NCAPG: variants seen among roughly 807,000 people sequenced by gnomAD.
NCAPG encodes non-SMC condensin I complex subunit G.
A neutral mutation model predicts 113.1 loss-of-function variants in NCAPG; 69 were observed. That is an observed-to-expected ratio of 0.61 (90% CI 0.50 to 0.75). The LOEUF (loss-of-function observed/expected upper bound fraction) is 0.75, where lower values mean the gene tolerates loss of function less well. NCAPG is among the 30% of genes least tolerant of loss of function. NCAPG has a pLI of 0.00. For synonymous variants in NCAPG, 370 were observed against 415.8 expected, an observed-to-expected ratio of 0.89 and a Z score of 1.34; for missense variants, 1,058 against 1,177.0, an observed-to-expected ratio of 0.90 and a Z score of 1.48.
rs756776806 is a variant in NCAPG at position 17,823,087 on chromosome 4, T to C, written c.1223T>C (p.Ile408Thr). Residue 408 changes from isoleucine (I) to threonine (T), a missense_variant, in exon 8 of 21, where the codon ATT becomes ACT. Physicochemically the swap from Ile to Thr is moderately conservative, Grantham distance 89 (BLOSUM62 -1). Coordinates refer to ENST00000251496, the MANE Select transcript of NCAPG (RefSeq NM_022346.5). ...TTCATAGGTCAACAATTGATTCTAA[T>C]TATTAAGTCTTTGGATACCAGTGAA... is the stretch of plus-strand genomic sequence containing the variant. ...KEFIGQQLIL[I>T]IKSLDTSEEG... 1 of 1,610,124 alleles carries C rather than the reference T, an allele frequency of 6.2e-7. No homozygotes were observed. Among genetic ancestry groups the C allele is most frequent in the South Asian group, 1.1e-5 (1 of 90,158 alleles).
intron 2 of NCAPG, 129 bp from the exon 3 acceptor site, chr4:17,812,788 A>G (rs977748883): frequency 1.4e-6 from 1 of 739,816 alleles, no homozygotes; most frequent in African/African-American, 1.8e-5. Context: ...AGGTAGCATT[A>G]TAGGTTCTCT....
rs972036978 is a variant in NCAPG at position 17,810,996 on chromosome 4, G to C, written c.-82G>C. 2.0e-5 allele frequency: 16 copies of C among 781,798 alleles called. No homozygotes were observed. The highest frequency in any genetic ancestry group is 2.8e-4 in the Middle Eastern group (1 of 3,528). The allele number at this position is 781,798 out of a possible 1,614,324, so 48.4% of individuals were successfully genotyped here. A position where few individuals can be genotyped will look rare whatever the true frequency, so the allele number is the denominator to read the frequency against. On this transcript the variant is annotated 5_prime_UTR_variant, in exon 1 of 21. Coordinates refer to ENST00000251496, the MANE Select transcript of NCAPG (RefSeq NM_022346.5). ...CTGGGGCTGTCATAGAAGACTACTC[G>C]GAGAGCGCTGCCTCTGGGTTGGCGG...
At position 17,840,638 on chromosome 4, in the gene NCAPG, CAG is replaced by C. The variant is rs1722320272; in HGVS notation, c.2800_2801del (p.Arg934GlyfsTer16). ...KNKEVYMTPL[R>X]GVKATQASKS... ...ATAAAGAAGTATATATGACTCCACTCAGGGGTGTAAAAGCAACCCAAGCATCA... is the reference window on the plus strand; with the variant it reads ...ATAAAGAAGTATATATGACTCCACTCGGGTGTAAAAGCAACCCAAGCATCA... On this transcript the variant is annotated frameshift_variant, in exon 19 of 21. Coordinates refer to ENST00000251496, the MANE Select transcript of NCAPG (RefSeq NM_022346.5). LOFTEE classifies it high-confidence loss of function. 3.2e-6 allele frequency: 5 copies of C among 1,557,344 alleles called. No homozygotes were observed. The highest frequency in any genetic ancestry group is 1.9e-5 in the Admixed American group (1 of 52,126).
intron 7 of NCAPG, among the ~76,000 whole-genome samples, chr4:17,819,539 C>T (rs1721364062): frequency 6.6e-6 from 1 of 152,036 alleles, no homozygotes; most frequent in Non-Finnish European, 1.5e-5. Flanking sequence ...GTAGCTGGGA[C>T]TACAGGCACG....
rs148062160 is a variant in NCAPG at position 17,834,428 on chromosome 4, A to G, written c.2014A>G (p.Ile672Val). ...IKTLHCEGTE[I>V]NSDDEQESKE... ...AACACTTCATTGTGAAGGTACAGAA[A>G]TAAACAGTGATGATGAGCAAGAATC... Residue 672 changes from isoleucine to valine, a missense_variant, in exon 14 of 21, where the codon ATA (isoleucine) becomes GTA (valine). Transcript: ENST00000251496. The G allele has an allele frequency of 6.2e-7, 1 of 1,612,274 alleles. No individual in the cohort carries two copies.
At chr4:17,827,075 C>T (rs906302924) in intron 11 of NCAPG, among the ~76,000 whole-genome samples, 3 of 152,136 alleles carry the variant, frequency 2.0e-5, no homozygotes, top group African/African-American at 7.2e-5. Context: ...TGCTGTCTCT[C>T]CTCAATGAAT....
In NCAPG at chr4:17,842,314, G is replaced by A. The variant is rs758832065; in HGVS notation, c.2859G>A (p.Gln953=). 7 of 1,611,816 alleles carry A rather than the reference G, an allele frequency of 4.3e-6. No homozygotes were observed. The highest frequency in any genetic ancestry group is 1.7e-4 in the Middle Eastern group (1 of 6,054). ...ATGAATTATACTATCTTCAAGGACA[G>A]AGAAAAGTGACAGTTTCAGCTAGGA... The part of the protein sequence containing the change: ...KSTQLKTNRG[Q]RKVTVSARTN... Residue 953 remains glutamine, a synonymous_variant, in exon 20 of 21, where the codon CAG becomes CAA. Coordinates refer to ENST00000251496, the MANE Select transcript of NCAPG (RefSeq NM_022346.5).
intron 16 of NCAPG, among the ~76,000 whole-genome samples, chr4:17,839,050 G>A (rs1056018512): frequency 6.6e-6 from 1 of 152,174 alleles, no homozygotes; most frequent in African/African-American, 2.4e-5. Flanking sequence ...GGGAGATGGA[G>A]GAGTCCAGGA....
chr4:17,829,258 G>A (rs968568152), intron 12 of NCAPG, among the ~76,000 whole-genome samples: 2 of 152,172 alleles, frequency 1.3e-5, no homozygotes, highest in East Asian at 1.9e-4. Flanking sequence ...TCTTACAGAA[G>A]TCTCTCAAAA....
rs1311844488 is a variant in NCAPG, at chr4:17,844,655, G to GTTGTTTAAA, written c.*1236_*1237insAAATTGTTT. The stretch of plus-strand genomic sequence containing the variant: ...CTGTGCTTCAGATTCCTTATGTGTT[G>GTTGTTTAAA]TTGTTTTAAAGACAATTTGCAGGGG... On this transcript the variant is annotated 3_prime_UTR_variant, in exon 21 of 21. Transcript: ENST00000251496. The GTTGTTTAAA allele has an allele frequency of 1.4e-5, 2 of 147,966 alleles. No individual in the cohort carries two copies. The highest frequency in any genetic ancestry group is 3.0e-5 in the Non-Finnish European group (2 of 67,784). 9.2% of individuals were successfully genotyped at this position (147,966 alleles called of 1,614,324 possible). A position where few individuals can be genotyped will look rare whatever the true frequency, so the allele number is the denominator to read the frequency against.
At chr4:17,833,676 G>A (rs543288692) in intron 13 of NCAPG, among the ~76,000 whole-genome samples, 93 of 149,100 alleles carry the variant, frequency 6.2e-4, no homozygotes, top group Middle Eastern at 7.0e-3. Flanking sequence ...TTTTTTCATG[G>A]CTTTGAAATT....
At chr4:17,824,321 A>G (rs1399064334) in intron 9 of NCAPG, among the ~76,000 whole-genome samples, 3 of 152,168 alleles carry the variant, frequency 2.0e-5, no homozygotes, top group Non-Finnish European at 4.4e-5. Context: ...GCCAAAAAAG[A>G]CAGATCTGTA....
chr4:17,837,819 C>G lies in NCAPG; in HGVS notation c.2466+18C>G. ...ATTATCAGGTGAGTGACTGTGGTAA[C>G]TGCATGCAGATCACTGTTTTGGTAA... is the stretch of plus-strand genomic sequence containing the variant. On this transcript the variant is annotated intron_variant, in intron 16 of 20. Coordinates refer to ENST00000251496, the MANE Select transcript of NCAPG (RefSeq NM_022346.5). 6.2e-7 allele frequency: 1 copy of G among 1,613,024 alleles called. No homozygotes were observed. The highest frequency in any genetic ancestry group is 8.5e-7 in the Non-Finnish European group (1 of 1,179,314).
chr4:17,841,452 G>A (rs1443047321), intron 19 of NCAPG: 2 of 151,830 alleles, frequency 1.3e-5, no homozygotes, highest in Non-Finnish European at 2.9e-5. Flanking sequence ...GCTGGATATT[G>A]TTCCAAATTA....
chr4:17,837,924 C>A, intron 16 of NCAPG, 123 bp downstream of exon 16: 1 of 970,660 alleles, frequency 1.0e-6, no homozygotes, highest in Non-Finnish European at 1.6e-6. Flanking sequence ...GCATATACCA[C>A]AAAGCACGAA....
rs1577328352 is a variant in NCAPG at position 17,811,019 on chromosome 4, C to A, written c.-59C>A. On this transcript the variant is annotated 5_prime_UTR_variant, in exon 1 of 21. Coordinates refer to ENST00000251496, the MANE Select transcript of NCAPG (RefSeq NM_022346.5). The surrounding 1 kb of genome is among the most constrained non-coding windows in gnomAD (Gnocchi z 5.3). ...TCGGAGAGCGCTGCCTCTGGGTTGG[C>A]GGGCTGGCAGGCTGTAGCCGAGCGC... 2 of 1,092,852 alleles carry A rather than the reference C, an allele frequency of 1.8e-6. No homozygotes were observed. Among genetic ancestry groups the A allele is most frequent in the South Asian group, 3.4e-5 (2 of 59,048 alleles). 67.7% of individuals were successfully genotyped at this position (1,092,852 alleles called of 1,614,324 possible).
chr4:17,837,920 A>T lies in NCAPG; in HGVS notation c.2466+119A>T, dbSNP rs16895854. On this transcript the variant is annotated intron_variant, in intron 16 of 20. Coordinates refer to ENST00000251496, the MANE Select transcript of NCAPG (RefSeq NM_022346.5). The stretch of plus-strand genomic sequence containing the variant: ...CTTTAGACTTCTGTCTCAAGCATAT[A>T]CCACAAAGCACGAAAGAAACATGAC... 12,330 of 992,796 alleles carry T rather than the reference A, an allele frequency of 0.012. 1,026 individuals carry two copies. In the African/African-American group the frequency reaches 0.18, roughly 15 times the overall value. 61.5% of individuals were successfully genotyped at this position (992,796 alleles called of 1,614,324 possible).
chr4:17,816,351 C>T (rs1435246761), intron 5 of NCAPG, among the ~76,000 whole-genome samples: 1 of 152,172 alleles, frequency 6.6e-6, no homozygotes, highest in Admixed American at 6.5e-5. Context: ...CACGGCTTAC[C>T]TCCTCCTGTG....
Position 17,839,702 on chromosome 4 carries a change from T to C in NCAPG, c.2493T>C (p.Ala831=). Residue 831 remains alanine, a synonymous_variant, in exon 17 of 21, where the codon GCT becomes GCC. Coordinates refer to ENST00000251496, the MANE Select transcript of NCAPG (RefSeq NM_022346.5). ...YQALTVHDNL[A]MKICNEILTS... ...CCTTAACAGTACATGACAATTTGGC[T>C]ATGAAAATTTGCAATGAGATCTTAA... The C allele has an allele frequency of 2.6e-6, 4 of 1,563,360 alleles. No individual in the cohort carries two copies. In the South Asian group the frequency reaches 4.9e-5, roughly 19 times the overall value.
Sources: gnomAD v4.1 joint callset for allele counts (sites outside exome capture counted in the v4.1 genomes callset) on GRCh38, gnomAD v4.1.1 for gene constraint, Gnocchi (gnomAD v3.1) non-coding constraint, MANE v1.5 for transcripts, NCBI Gene and HGNC (gene_info 2026-07-23, HGNC 2026-07-21) for gene names.